Variants in PRKCE observed in about 807,000 individuals in gnomAD.
PRKCE encodes the protein protein kinase C epsilon, also known as protein kinase C epsilon type.
Under a neutral mutation model 85.4 loss-of-function variants are expected in PRKCE, and 16 were observed. The observed-to-expected ratio is 0.19, with a 90% CI of 0.13 to 0.28. The LOEUF (loss-of-function observed/expected upper bound fraction) is 0.28, where lower values mean the gene tolerates loss of function less well. PRKCE is among the 10% of genes least tolerant of loss of function. The pLI, the probability that PRKCE is intolerant of heterozygous loss-of-function variation, is 1.00. For synonymous variants in PRKCE, 388 were observed against 371.5 expected (o/e 1.04, Z -0.51); for missense variants, 573 against 975.2 (o/e 0.59, Z 5.49).
intron 2 of PRKCE, among the ~76,000 whole-genome samples, chr2:45,926,398 A>C (rs1698617776): frequency 6.6e-6 from 1 of 152,204 alleles, no homozygotes. Flanking sequence ...GGAGCTGGTG[A>C]AATCAGTGAG....
At chr2:45,693,969 TC>T (rs1677944028) in intron 1 of PRKCE, among the ~76,000 whole-genome samples, 1 of 151,762 alleles carries the variant, frequency 6.6e-6, no homozygotes, top group African/African-American at 2.4e-5. Context: ...GTGAAAGAAG[TC>T]CGACTCGTGT....
intron 10 of PRKCE, among the ~76,000 whole-genome samples, chr2:46,021,690 A>C (rs1706676519): frequency 6.6e-6 from 1 of 152,220 alleles, no homozygotes; most frequent in Non-Finnish European, 1.5e-5. Context: ...AATTTAAGTA[A>C]AAAGTTTCAT....
At chr2:45,917,937 G>C in intron 2 of PRKCE, among the ~76,000 whole-genome samples, 1 of 152,192 alleles carries the variant, frequency 6.6e-6, no homozygotes, top group Middle Eastern at 3.2e-3. Context: ...CATTGCCCAG[G>C]GCTGGCAGGG....
intron 2 of PRKCE, among the ~76,000 whole-genome samples, chr2:45,903,881 G>GTTTTTTTTTTTTTTTTTTTTTTTTTTTT (rs34124689): frequency 1.7e-5 from 2 of 117,140 alleles, no homozygotes; most frequent in African/African-American, 7.4e-5. Context: ...TAGCCTGGCA[G>GTTTTTTTTTTTTTTTTTTTTTTTTTTTT]TTTTTTTTTG....
chr2:45,800,942 A>C (rs944605108), intron 1 of PRKCE, among the ~76,000 whole-genome samples: 4 of 152,232 alleles, frequency 2.6e-5, no homozygotes, highest in African/African-American at 7.2e-5. Context: ...CAATACCTGG[A>C]AACTAACGCA....
At chr2:45,826,200 T>C (rs1689929811) in intron 1 of PRKCE, among the ~76,000 whole-genome samples, 1 of 152,154 alleles carries the variant, frequency 6.6e-6, no homozygotes, top group Non-Finnish European at 1.5e-5. Flanking sequence ...ATTCCTCTAG[T>C]TTCATGGCTC....
At chr2:45,721,957 G>C (rs1680660380) in intron 1 of PRKCE, among the ~76,000 whole-genome samples, 1 of 151,040 alleles carries the variant, frequency 6.6e-6, no homozygotes, top group Admixed American at 6.6e-5. Flanking sequence ...AAACTTTTGG[G>C]TCTCAAGATC....
At chr2:45,846,048 C>T (rs1208467618) in intron 2 of PRKCE, among the ~76,000 whole-genome samples, 4 of 152,134 alleles carry the variant, frequency 2.6e-5, no homozygotes, top group African/African-American at 2.4e-5. Flanking sequence ...GCTCAAAATG[C>T]TCTTATGGGA....
chr2:45,934,903 AAATTT>A (rs1030663792), intron 2 of PRKCE, among the ~76,000 whole-genome samples: 1 of 151,306 alleles, frequency 6.6e-6, no homozygotes, highest in African/African-American at 2.4e-5. Context: ...AAAAAAAAAA[AAATTT>A]AAATTAGCCA....
rs139556888 is a variant in PRKCE at position 45,825,277 on chromosome 2, A to C, written c.349-17723A>C. On this transcript the variant is annotated intron_variant, in intron 1 of 14. Coordinates refer to ENST00000306156, the MANE Select transcript of PRKCE (RefSeq NM_005400.3). ...AGAGAGCACCTTGGGCAATAGGTTT[A>C]GGCACTAGCCACGGTTTTCCTGCAA... Among the ~76,000 whole-genome samples the C allele has an allele frequency of 1.6e-3, 237 of 152,314 alleles. 1 individual carries two copies. The highest frequency in any genetic ancestry group is 0.014 in the Middle Eastern group (4 of 294).
chr2:45,954,007 C>T (rs1700806611), intron 2 of PRKCE, among the ~76,000 whole-genome samples: 1 of 152,186 alleles, frequency 6.6e-6, no homozygotes, highest in Admixed American at 6.5e-5. Flanking sequence ...CTACTGCAAT[C>T]TTATCTAGTG....
chr2:45,735,499 T>G (rs1217928133), intron 1 of PRKCE, among the ~76,000 whole-genome samples: 1 of 152,210 alleles, frequency 6.6e-6, no homozygotes, highest in African/African-American at 2.4e-5. Context: ...GTACCCAGGC[T>G]CCATCACCTG....
At chr2:45,965,128 A>C (rs1245545001) in intron 2 of PRKCE, among the ~76,000 whole-genome samples, 2 of 152,216 alleles carry the variant, frequency 1.3e-5, no homozygotes, top group Non-Finnish European at 2.9e-5. Context: ...CTCTCTGGGA[A>C]GATACAGATA....
chr2:45,716,557 GA>G (rs1427803371), intron 1 of PRKCE, among the ~76,000 whole-genome samples: 1 of 144,872 alleles, frequency 6.9e-6, no homozygotes, highest in Admixed American at 7.2e-5. Flanking sequence ...AAGAAAGGAA[GA>G]AAAAGAAAGA....
chr2:46,039,242 T>C (rs949847148), intron 10 of PRKCE, among the ~76,000 whole-genome samples: 3 of 152,252 alleles, frequency 2.0e-5, no homozygotes, highest in Non-Finnish European at 4.4e-5. Context: ...CTTTTAATTA[T>C]GATTCTCTTC....
At chr2:46,022,740 C>T (rs1706770917) in intron 10 of PRKCE, among the ~76,000 whole-genome samples, 1 of 152,232 alleles carries the variant, frequency 6.6e-6, no homozygotes, top group Admixed American at 6.5e-5. Context: ...TAGTTTCTAG[C>T]ACACAGAAGG....
At chr2:45,901,217 A>G (rs545558455) in intron 2 of PRKCE, among the ~76,000 whole-genome samples, 3 of 152,220 alleles carry the variant, frequency 2.0e-5, no homozygotes, top group Non-Finnish European at 2.9e-5. Flanking sequence ...AACTTAGTAC[A>G]AATTGTGCTT....
chr2:46,151,352 TCTCC>T lies in PRKCE; in HGVS notation c.1920+129_1920+132del, dbSNP rs1370082304. On this transcript the variant is annotated intron_variant, in intron 13 of 14. Transcript: ENST00000306156. ...CCTTCTCCCTTTCTCTGTCCAGCTTTCTCCCTCCCACCTCTGCTCATCACCACGG... is the reference window on the plus strand; with the variant it reads ...CCTTCTCCCTTTCTCTGTCCAGCTTTCTCCCACCTCTGCTCATCACCACGG... 2.4e-5 allele frequency: 25 copies of T among 1,060,374 alleles called. 1 individual carries two copies. The highest frequency in any genetic ancestry group is 2.4e-5 in the Admixed American group (1 of 41,506). 65.7% of individuals were successfully genotyped at this position (1,060,374 alleles called of 1,614,324 possible).
At chr2:46,115,361 A>C (rs752746590) in intron 11 of PRKCE, among the ~76,000 whole-genome samples, 33 of 152,082 alleles carry the variant, frequency 2.2e-4, no homozygotes, top group Admixed American at 1.0e-3. Context: ...AAAACCTAAC[A>C]TTTTTTTGTA....
Sources: allele counts gnomAD v4.1 joint callset (sites outside exome capture counted in the v4.1 genomes callset), GRCh38; gene constraint gnomAD v4.1.1; transcripts MANE v1.5; gene names NCBI Gene and HGNC (gene_info 2026-07-23, HGNC 2026-07-21).